The following LARGE1 variants were observed in gnomAD, a reference collection of about 807,000 sequenced individuals.
The protein encoded by LARGE1 is xylosyl- and glucuronyltransferase LARGE1.
In LARGE1, 43 loss-of-function variants were observed where a neutral mutation model predicts 87.6. That is an observed-to-expected ratio of 0.49 (90% CI 0.38 to 0.63). The LOEUF (loss-of-function observed/expected upper bound fraction) is 0.63, where lower values mean the gene tolerates loss of function less well. Among genes scored for constraint, LARGE1 ranks in the 30% least tolerant of loss-of-function variants. The pLI, the probability that LARGE1 is intolerant of heterozygous loss-of-function variation, is 0.00. For synonymous variants in LARGE1, 434 were observed against 394.6 expected (o/e 1.10, Z -1.18); for missense variants, 802 against 1,000.2 (o/e 0.80, Z 2.67).
At chr22:33,087,550 T>C in the LARGE1 span, among the ~76,000 whole-genome samples, 1 of 152,180 alleles carries the variant, frequency 6.6e-6, no homozygotes, top group Non-Finnish European at 1.5e-5. Flanking sequence ...AAGGCTAAAG[T>C]GAGGTAGAGT....
intron 4 of LARGE1, among the ~76,000 whole-genome samples, chr22:33,621,234 A>G (rs2079740983): frequency 6.6e-6 from 1 of 152,210 alleles, no homozygotes; most frequent in African/African-American, 2.4e-5. Flanking sequence ...TTATAAAGCA[A>G]TATTTTATAA....
At chr22:33,094,872 C>A in the LARGE1 span, among the ~76,000 whole-genome samples, 1 of 152,234 alleles carries the variant, frequency 6.6e-6, no homozygotes, top group Non-Finnish European at 1.5e-5. Flanking sequence ...GCATGCACCA[C>A]CACACCTGGC....
At chr22:33,135,406 T>C in the LARGE1 span, among the ~76,000 whole-genome samples, 1 of 152,240 alleles carries the variant, frequency 6.6e-6, no homozygotes, top group Non-Finnish European at 1.5e-5. Flanking sequence ...ACCGAGATCC[T>C]TGGATTCAAA....
At chr22:33,265,802 G>A (rs1322969175) in intron 11 of LARGE1, among the ~76,000 whole-genome samples, 5 of 152,278 alleles carry the variant, frequency 3.3e-5, no homozygotes, top group Middle Eastern at 6.8e-3. Flanking sequence ...ATAAATATCT[G>A]GAAATAAGGG....
At chr22:33,179,007 G>A (rs1923023913) in intron 11 of LARGE1, among the ~76,000 whole-genome samples, 1 of 152,114 alleles carries the variant, frequency 6.6e-6, no homozygotes, top group Non-Finnish European at 1.5e-5. Context: ...CAGGGTGGAG[G>A]GCATCACACG....
intron 1 of LARGE1, among the ~76,000 whole-genome samples, chr22:33,839,912 G>A (rs9619377): frequency 0.024 from 3,706 of 152,188 alleles, 150 homozygotes; most frequent in African/African-American, 0.084. Context: ...GAAACGTGGG[G>A]GCTCCAGGCT....
chr22:33,179,996 G>T (rs1310320242), intron 11 of LARGE1, among the ~76,000 whole-genome samples: 3 of 152,148 alleles, frequency 2.0e-5, no homozygotes, highest in African/African-American at 4.8e-5. Context: ...GCAATATTTT[G>T]CCTTTCTTGC....
At chr22:33,367,054 T>C (rs2064622400) in intron 9 of LARGE1, among the ~76,000 whole-genome samples, 1 of 152,230 alleles carries the variant, frequency 6.6e-6, no homozygotes, top group Non-Finnish European at 1.5e-5. Context: ...AAGTAACACA[T>C]TTCTAGGAAT....
chr22:33,285,497 G>A (rs1330208279), intron 12 of LARGE1, among the ~76,000 whole-genome samples: 1 of 152,128 alleles, frequency 6.6e-6, no homozygotes, highest in East Asian at 1.9e-4. Context: ...GGTGGGGGGT[G>A]CTGGTAGTCC....
Position 33,594,279 on chromosome 22 carries a change from C to T in LARGE1, c.615+10156G>A, listed in dbSNP as rs150296900. 9.9e-4 allele frequency among the ~76,000 whole-genome samples: 150 copies of T among 152,216 alleles called. 2 individuals are homozygous for T. In the East Asian group the frequency reaches 0.024, roughly 24 times the overall value. On this transcript the variant is annotated intron_variant, in intron 5 of 14. Coordinates refer to ENST00000397394, the MANE Select transcript of LARGE1 (RefSeq NM_133642.5). ...GGGATGAAGCAGCCAACACCCTGGG[C>T]CTTGCAGTATCTAGAGCCCATAGTT...
intron 1 of LARGE1, among the ~76,000 whole-genome samples, chr22:33,868,568 C>A (rs1294259006): frequency 6.6e-6 from 1 of 152,160 alleles, no homozygotes; most frequent in Non-Finnish European, 1.5e-5. Flanking sequence ...ACACCATGAC[C>A]TCCTCTTGCC....
intron 6 of LARGE1, among the ~76,000 whole-genome samples, chr22:33,548,419 T>TTTTC (rs34437763): frequency 0.48 from 72,807 of 150,602 alleles, 17,865 homozygotes; most frequent in Admixed American, 0.57. Flanking sequence ...AGGCATTCCG[T>TTTTC]TTTTTTTTTC....
intron 7 of LARGE1, among the ~76,000 whole-genome samples, chr22:33,399,589 C>G (rs2065870403): frequency 6.6e-6 from 1 of 151,848 alleles, no homozygotes; most frequent in Admixed American, 6.6e-5. Flanking sequence ...TTTTTTTTTG[C>G]CCAGGCTGGA....
At chr22:33,616,692 C>A (rs1270871697) in intron 4 of LARGE1, among the ~76,000 whole-genome samples, 3 of 152,058 alleles carry the variant, frequency 2.0e-5, no homozygotes, top group Non-Finnish European at 2.9e-5. Context: ...CAACATTCTG[C>A]CATATGAAAA....
chr22:33,231,403 A>G (rs1925999553), intron 11 of LARGE1, among the ~76,000 whole-genome samples: 2 of 152,228 alleles, frequency 1.3e-5, no homozygotes, highest in South Asian at 4.1e-4. Context: ...TAACTATAGA[A>G]ATAAAATTAT....
At chr22:33,169,390 T>C (rs1476117659) in intron 11 of LARGE1, among the ~76,000 whole-genome samples, 34 of 152,200 alleles carry the variant, frequency 2.2e-4, no homozygotes, top group Admixed American at 2.6e-4. Context: ...TAGAGTCAAG[T>C]CCACAAAGAA....
chr22:33,142,923 GGA>G, the LARGE1 span, among the ~76,000 whole-genome samples: 1 of 152,056 alleles, frequency 6.6e-6, no homozygotes, highest in African/African-American at 2.4e-5. Flanking sequence ...GGAGAGCAAG[GGA>G]GAGAGAGAGA....
At chr22:33,418,572 T>C (rs1293179414) in intron 7 of LARGE1, among the ~76,000 whole-genome samples, 1 of 152,148 alleles carries the variant, frequency 6.6e-6, no homozygotes, top group Non-Finnish European at 1.5e-5. Flanking sequence ...TCTGAGGAGA[T>C]GACACCTGAT....
chr22:33,165,538 A>G (rs1922223454), exon 12 of LARGE1: 1 of 152,192 alleles, frequency 6.6e-6, no homozygotes, highest in African/African-American at 2.4e-5. Flanking sequence ...AAAATCATCT[A>G]GGGACCTTTA....
Sources: gnomAD v4.1 joint callset for allele counts (sites outside exome capture counted in the v4.1 genomes callset) on GRCh38, gnomAD v4.1.1 for gene constraint, MANE v1.5 for transcripts, NCBI Gene and HGNC (gene_info 2026-07-23, HGNC 2026-07-21) for gene names.